MAP3K5: variants seen among roughly 807,000 people sequenced by gnomAD.
The protein encoded by MAP3K5 is ASK-1.
Under a neutral mutation model 158.7 loss-of-function variants are expected in MAP3K5, and 56 were observed. That is an observed-to-expected ratio of 0.35 (90% CI 0.28 to 0.44). The LOEUF (loss-of-function observed/expected upper bound fraction) is 0.44. MAP3K5 is among the 20% of genes least tolerant of loss of function. The probability of loss-of-function intolerance (pLI) is 1.00; values close to 1 mark genes in which losing one functional copy is unlikely to be tolerated. For missense variants in MAP3K5, 1,294 were observed against 1,674.8 expected, an observed-to-expected ratio of 0.77 and a Z score of 3.97; for synonymous variants, 579 against 601.7, an observed-to-expected ratio of 0.96 and a Z score of 0.55.
In MAP3K5 at chr6:136,557,613, G is replaced by GTT. The variant is rs34705939; in HGVS notation, c.*143_*144dup. Reference sequence around the variant, plus strand: ...TAGGAAATTTCAGTGTGTTTTGTCTGTTTTTTTTTTTTTTAACATGAGTAA... The same window carrying GTT: ...TAGGAAATTTCAGTGTGTTTTGTCTGTTTTTTTTTTTTTTTTAACATGAGTAA... On this transcript the variant is annotated 3_prime_UTR_variant, in exon 30 of 30. Coordinates refer to ENST00000359015, the MANE Select transcript of MAP3K5 (RefSeq NM_005923.4). 1,424 of 471,646 alleles carry GTT rather than the reference G, an allele frequency of 3.0e-3. No individual in the cohort carries two copies. Among genetic ancestry groups the GTT allele is most frequent in the South Asian group, 5.5e-3 (190 of 34,316 alleles). The allele number at this position is 471,646 out of a possible 1,614,324, so 29.2% of individuals were successfully genotyped here.
chr6:136,588,251 G>C (rs760953743), intron 23 of MAP3K5, among the ~76,000 whole-genome samples: 4 of 152,084 alleles, frequency 2.6e-5, no homozygotes, highest in Admixed American at 6.5e-5. Flanking sequence ...AGAGCAATGT[G>C]GTGGTTAAAG....
At chr6:136,773,793 G>C (rs183509727) in intron 1 of MAP3K5, among the ~76,000 whole-genome samples, 1 of 152,008 alleles carries the variant, frequency 6.6e-6, no homozygotes, top group Admixed American at 6.5e-5. Flanking sequence ...GACCACAGGC[G>C]GGTGCCACCA....
At chr6:136,706,669 G>A (rs1344077974) in intron 2 of MAP3K5, among the ~76,000 whole-genome samples, 1 of 152,128 alleles carries the variant, frequency 6.6e-6, no homozygotes, top group African/African-American at 2.4e-5. Context: ...CGGCTGAGTG[G>A]CCATCATCTT....
chr6:136,780,856 G>C (rs1367984019), intron 1 of MAP3K5, among the ~76,000 whole-genome samples: 2 of 151,988 alleles, frequency 1.3e-5, no homozygotes, highest in Non-Finnish European at 2.9e-5. Flanking sequence ...GAGAGGAATG[G>C]GGAATGTAGG....
rs1278593185 is a variant in MAP3K5, at chr6:136,697,246, A to G, written c.948T>C (p.Asn316=). 2 of 1,613,410 alleles carry G rather than the reference A, an allele frequency of 1.2e-6. No individual in the cohort carries two copies. Among genetic ancestry groups the G allele is most frequent in the Admixed American group, 1.7e-5 (1 of 59,918 alleles). ...GGATATCTCTGTAGGAAAGTAACAGATTTATGACAATATCTGCTGTCAAGA... is the reference window on the plus strand; with the variant it reads ...GGATATCTCTGTAGGAAAGTAACAGGTTTATGACAATATCTGCTGTCAAGA... The part of the protein sequence containing the change: ...IEVLTADIVI[N]LLLSYRDIQD... Residue 316 remains asparagine (N), a synonymous_variant, in exon 5 of 30, where the codon AAT becomes AAC. Transcript: ENST00000359015.
At chr6:136,672,233 TA>T (rs1267311211) in intron 7 of MAP3K5, among the ~76,000 whole-genome samples, 1 of 152,086 alleles carries the variant, frequency 6.6e-6, no homozygotes, top group Non-Finnish European at 1.5e-5. Flanking sequence ...CTTCAGTAAT[TA>T]GGGGGAAATA....
chr6:136,683,744 G>C (rs183508914), intron 7 of MAP3K5, among the ~76,000 whole-genome samples: 130 of 152,192 alleles, frequency 8.5e-4, no homozygotes, highest in African/African-American at 3.0e-3. Flanking sequence ...TCTCCCATTA[G>C]TTCATACTTC....
chr6:136,645,882 C>A (rs1778230609), intron 11 of MAP3K5, among the ~76,000 whole-genome samples: 1 of 152,108 alleles, frequency 6.6e-6, no homozygotes, highest in Admixed American at 6.6e-5. Flanking sequence ...AAGCTACATT[C>A]TCTATTCTAA....
intron 9 of MAP3K5, 102 bp downstream of exon 9, chr6:136,659,117 A>G: frequency 9.6e-7 from 1 of 1,042,606 alleles, no homozygotes; most frequent in Non-Finnish European, 1.4e-6. Flanking sequence ...ATTTTATTTT[A>G]TAAGCAAATA....
rs578090010 is a variant in MAP3K5 at position 136,685,469 on chromosome 6, T to C, written c.1253+8671A>G. On this transcript the variant is annotated intron_variant, in intron 7 of 29. Coordinates refer to ENST00000359015, the MANE Select transcript of MAP3K5 (RefSeq NM_005923.4). ...GCCATTTAGTACTTGAATCAGATAA[T>C]ATGCCCAGGAGAGTAAAACTTCCTC... is the stretch of plus-strand genomic sequence containing the variant. 8.1e-4 allele frequency among the ~76,000 whole-genome samples: 124 copies of C among 152,230 alleles called. 1 individual carries two copies. Among genetic ancestry groups the C allele is most frequent in the Non-Finnish European group, 1.5e-3 (101 of 68,008 alleles).
At chr6:136,620,414 T>C (rs1234189176) in intron 15 of MAP3K5, among the ~76,000 whole-genome samples, 2 of 152,212 alleles carry the variant, frequency 1.3e-5, no homozygotes, top group Non-Finnish European at 1.5e-5. Context: ...ATGTACCCCC[T>C]GGTTCTAAAA....
At position 136,694,186 on chromosome 6, in the gene MAP3K5, C is replaced by A; in HGVS notation, c.1207G>T (p.Asp403Tyr). The A allele has an allele frequency of 6.2e-7, 1 of 1,613,724 alleles. No homozygotes were observed. The highest frequency in any genetic ancestry group is 8.5e-7 in the Non-Finnish European group (1 of 1,179,880). ...CTTTCAGTGTCCGTGAAATTAGAGT[C>A]CAAAAACATATCTTTGTAGATTCGA... ...VGRIYKDMFL[D>Y]SNFTDTESRD... The change falls in exon 7 of 30, where the codon GAC becomes TAC. Residue 403 changes from aspartate (D) to tyrosine (Y), a missense_variant. Physicochemically the swap from Asp to Tyr is radical, Grantham distance 160. This residue lies in a region of MAP3K5 where 690 missense variants were observed against 870.5 expected (regional missense o/e 0.79). Coordinates refer to ENST00000359015, the MANE Select transcript of MAP3K5 (RefSeq NM_005923.4).
intron 25 of MAP3K5, among the ~76,000 whole-genome samples, chr6:136,573,961 C>G (rs1774482960): frequency 6.6e-6 from 1 of 150,732 alleles, no homozygotes; most frequent in African/African-American, 2.4e-5. Context: ...GACAGAGTCT[C>G]ACTCTGTCAC....
chr6:136,671,856 C>A (rs1030214379), intron 7 of MAP3K5, among the ~76,000 whole-genome samples: 5 of 151,594 alleles, frequency 3.3e-5, no homozygotes, highest in African/African-American at 1.2e-4. Context: ...GAACTCCAGA[C>A]CTCAGGTGAT....
intron 2 of MAP3K5, among the ~76,000 whole-genome samples, chr6:136,707,312 T>C (rs1409864599): frequency 3.3e-5 from 5 of 152,248 alleles, no homozygotes; most frequent in Admixed American, 1.3e-4. Context: ...GCAAGGGCTA[T>C]GCTTTATCAG....
intron 21 of MAP3K5, among the ~76,000 whole-genome samples, chr6:136,600,321 A>T (rs1775819263): frequency 6.6e-6 from 1 of 151,118 alleles, no homozygotes; most frequent in African/African-American, 2.4e-5. Context: ...CCTCCCTAGT[A>T]GCTGGGACCA....
At chr6:136,642,015 T>TAAATAAAATA (rs377615415) in intron 12 of MAP3K5, among the ~76,000 whole-genome samples, 10 of 110,556 alleles carry the variant, frequency 9.0e-5, no homozygotes, top group African/African-American at 2.3e-4. Flanking sequence ...TAAAATAAAA[T>TAAATAAAATA]AAATAAAATA....
At chr6:136,656,599 T>C in intron 9 of MAP3K5, 139 bp from the exon 10 acceptor site, 1 of 599,618 alleles carries the variant, frequency 1.7e-6, no homozygotes, top group Non-Finnish European at 2.9e-6. Flanking sequence ...ATTCGTTATT[T>C]GTTGCATATC....
At chr6:136,777,097 T>G (rs955223533) in intron 1 of MAP3K5, among the ~76,000 whole-genome samples, 1 of 152,102 alleles carries the variant, frequency 6.6e-6, no homozygotes, top group African/African-American at 2.4e-5. Flanking sequence ...TAGCACTGAG[T>G]TGCTCAGCAA....
Sources: allele counts gnomAD v4.1 joint callset (sites outside exome capture counted in the v4.1 genomes callset), GRCh38; gene constraint gnomAD v4.1.1; regional missense constraint gnomAD v4.1.1; transcripts MANE v1.5; gene names NCBI Gene and HGNC (gene_info 2026-07-23, HGNC 2026-07-21).